CUBN: variants seen among roughly 807,000 people sequenced by gnomAD.
CUBN encodes cubilin.
A neutral mutation model predicts 405.3 loss-of-function variants in CUBN; 282 were observed. The observed-to-expected ratio is 0.70, with a 90% CI of 0.63 to 0.77. The LOEUF (loss-of-function observed/expected upper bound fraction) is 0.77. Among genes scored for constraint, CUBN ranks in the 30% least tolerant of loss-of-function variants. The pLI is 0.00. For missense variants in CUBN, 4,514 were observed against 4,475.2 expected (o/e 1.01, Z -0.25); for synonymous variants, 1,684 against 1,617.0 (o/e 1.04, Z -0.99).
At chr10:16,922,301 C>A (rs979627252) in intron 43 of CUBN, among the ~76,000 whole-genome samples, 7 of 152,008 alleles carry the variant, frequency 4.6e-5, no homozygotes, top group Admixed American at 3.3e-4. Flanking sequence ...TCCAACTGAC[C>A]GCCAAATTCA....
At chr10:17,093,458 G>A (rs777326572) in intron 14 of CUBN, among the ~76,000 whole-genome samples, 1 of 152,090 alleles carries the variant, frequency 6.6e-6, no homozygotes, top group Non-Finnish European at 1.5e-5. Flanking sequence ...CATATTCTAG[G>A]AAATATGGCA....
At chr10:16,826,480 G>A (rs965021811) in intron 66 of CUBN, among the ~76,000 whole-genome samples, 1 of 151,944 alleles carries the variant, frequency 6.6e-6, no homozygotes, top group African/African-American at 2.4e-5. Flanking sequence ...AGCAAAACAA[G>A]AGCTACCTCT....
At chr10:16,914,102 T>C in intron 47 of CUBN, 110 bp from the exon 48 acceptor site, 1 of 1,132,450 alleles carries the variant, frequency 8.8e-7, no homozygotes, top group Non-Finnish European at 1.3e-6. Context: ...TAGATAAAAT[T>C]AGTCTCCATA....
intron 27 of CUBN, among the ~76,000 whole-genome samples, chr10:17,028,529 T>C (rs1305821007): frequency 6.6e-6 from 1 of 151,830 alleles, no homozygotes; most frequent in Non-Finnish European, 1.5e-5. Flanking sequence ...GAGACCACAC[T>C]GGCCATCAAG....
intron 34 of CUBN, among the ~76,000 whole-genome samples, chr10:16,949,237 C>T (rs1408334062): frequency 6.6e-6 from 1 of 152,096 alleles, no homozygotes; most frequent in African/African-American, 2.4e-5. Context: ...CTAACAAATG[C>T]TGTGAGAGGT....
At chr10:16,837,706 C>T (rs2131314745) in intron 62 of CUBN, among the ~76,000 whole-genome samples, 1 of 152,292 alleles carries the variant, frequency 6.6e-6, no homozygotes, top group South Asian at 2.1e-4. Context: ...ATTAGGGCTG[C>T]TCTGTCTACT....
chr10:16,964,884 G>T (rs754501200), intron 31 of CUBN, among the ~76,000 whole-genome samples: 2 of 152,176 alleles, frequency 1.3e-5, no homozygotes, highest in African/African-American at 4.8e-5. Flanking sequence ...TAAGCCCTAG[G>T]CTTGTATAGA....
intron 28 of CUBN, among the ~76,000 whole-genome samples, chr10:17,001,977 A>G (rs1048492296): frequency 6.6e-5 from 10 of 152,226 alleles, no homozygotes; most frequent in African/African-American, 2.4e-4. Flanking sequence ...GTCCTCCACC[A>G]GATTTGTTCT....
At chr10:16,981,332 G>A (rs923169357) in intron 31 of CUBN, among the ~76,000 whole-genome samples, 3 of 152,102 alleles carry the variant, frequency 2.0e-5, no homozygotes, top group Admixed American at 1.3e-4. Context: ...TTTCAAGCTC[G>A]CCTTCCTGCT....
chr10:17,016,229 T>A (rs1183599902), intron 28 of CUBN, among the ~76,000 whole-genome samples: 1 of 151,954 alleles, frequency 6.6e-6, no homozygotes, highest in African/African-American at 2.4e-5. Flanking sequence ...CATTGAATAA[T>A]TCATGGGCTT....
At chr10:17,026,894 C>T (rs1244110339) in intron 27 of CUBN, among the ~76,000 whole-genome samples, 1 of 152,112 alleles carries the variant, frequency 6.6e-6, no homozygotes, top group Admixed American at 6.5e-5. Flanking sequence ...GCCGCCTTGC[C>T]ATGTGCTGAC....
intron 15 of CUBN, among the ~76,000 whole-genome samples, chr10:17,086,042 T>C (rs916646289): frequency 7.9e-5 from 12 of 151,218 alleles, no homozygotes; most frequent in Non-Finnish European, 1.8e-4. Flanking sequence ...CTCAGCTGAC[T>C]GCAACCTCCA....
At chr10:16,874,634 T>A in intron 57 of CUBN, 131 bp from the exon 58 acceptor site, 1 of 1,079,558 alleles carries the variant, frequency 9.3e-7, no homozygotes, top group Non-Finnish European at 1.4e-6. Flanking sequence ...TTAAAGTGAC[T>A]TATATCTCCC....
intron 10 of CUBN, among the ~76,000 whole-genome samples, chr10:17,107,004 G>A (rs1284052000): frequency 6.6e-6 from 1 of 152,160 alleles, no homozygotes; most frequent in East Asian, 1.9e-4. Context: ...GCTCCTCATT[G>A]CCAAGGTACA....
intron 28 of CUBN, among the ~76,000 whole-genome samples, chr10:17,000,451 T>C (rs1056418967): frequency 6.6e-6 from 1 of 152,352 alleles, no homozygotes; most frequent in East Asian, 1.9e-4. Context: ...CCACATATTA[T>C]TGCTACTTGA....
intron 32 of CUBN, among the ~76,000 whole-genome samples, chr10:16,952,823 T>C (rs1842955109): frequency 6.6e-6 from 1 of 152,164 alleles, no homozygotes; most frequent in African/African-American, 2.4e-5. Context: ...AAATTCGATG[T>C]GAGTCTTGAA....
intron 6 of CUBN, chr10:17,121,814 G>A (rs1422062696): frequency 6.6e-6 from 1 of 152,162 alleles, no homozygotes; most frequent in Admixed American, 6.5e-5. Flanking sequence ...AGATAGCAGA[G>A]ACACCAGTAA....
intron 65 of CUBN, 149 bp from the exon 66 acceptor site, chr10:16,829,189 T>C (rs573116969): frequency 1.6e-4 from 110 of 694,570 alleles, no homozygotes; most frequent in South Asian, 9.1e-4. Flanking sequence ...TCCTCTTCTT[T>C]GGGCTACACC....
rs566302723 is a variant in CUBN, at chr10:16,976,777, T to G, written c.4695+5707A>C. Among the ~76,000 whole-genome samples the G allele has an allele frequency of 2.0e-5, 3 of 152,332 alleles. No individual in the cohort carries two copies. The East Asian group carries it at 5.8e-4, about 29-fold the overall frequency. On this transcript the variant is annotated intron_variant, in intron 31 of 66. Coordinates refer to ENST00000377833, the MANE Select transcript of CUBN (RefSeq NM_001081.4). ...TCCATACTTTTTTCTGAGTAGATTC[T>G]TGACTTATCTTCCAGTTCACTGTTT...
Sources: allele counts gnomAD v4.1 joint callset (sites outside exome capture counted in the v4.1 genomes callset), GRCh38; gene constraint gnomAD v4.1.1; transcripts MANE v1.5; gene names NCBI Gene and HGNC (gene_info 2026-07-23, HGNC 2026-07-21).